Variants in EPHA5 observed in about 807,000 individuals in gnomAD.
The protein encoded by EPHA5 is ephrin type-A receptor 5.
A neutral mutation model predicts 105.0 loss-of-function variants in EPHA5; 60 were observed. The observed-to-expected ratio is 0.57, with a 90% CI of 0.46 to 0.71. EPHA5 has a LOEUF of 0.71. Among genes scored for constraint, EPHA5 ranks in the 30% least tolerant of loss-of-function variants. EPHA5 has a pLI of 0.00. For missense variants in EPHA5, 1,218 were observed against 1,274.7 expected, an observed-to-expected ratio of 0.96 and a Z score of 0.68; for synonymous variants, 513 against 449.1, an observed-to-expected ratio of 1.14 and a Z score of -1.80.
intron 3 of EPHA5, among the ~76,000 whole-genome samples, chr4:65,578,737 G>A (rs1253679797): frequency 6.6e-6 from 1 of 152,064 alleles, no homozygotes. Flanking sequence ...CAACAAATAC[G>A]TGGATGAGAT....
rs543952351 is a variant in EPHA5, at chr4:65,449,778, A to C, written c.1403-29213T>G. ...TCATACAAAAGAGAGATTTGGAAAC[A>C]AATACACAGGTATCACACAGGTACC... On this transcript the variant is annotated intron_variant, in intron 5 of 16. Transcript: ENST00000613740. Among the ~76,000 whole-genome samples the C allele has an allele frequency of 4.6e-5, 7 of 152,262 alleles. No individual in the cohort carries two copies. In the South Asian group the frequency reaches 1.4e-3, roughly 32 times the overall value.
intron 16 of EPHA5, among the ~76,000 whole-genome samples, chr4:65,327,418 C>G (rs1320622715): frequency 6.6e-6 from 1 of 151,206 alleles, no homozygotes; most frequent in Non-Finnish European, 1.5e-5. Context: ...GCCTTTCCAT[C>G]TCATCCTAAA....
At chr4:65,336,890 T>G (rs1041834567) in intron 14 of EPHA5, among the ~76,000 whole-genome samples, 1 of 152,066 alleles carries the variant, frequency 6.6e-6, no homozygotes, top group Non-Finnish European at 1.5e-5. Flanking sequence ...CAGGTTTATT[T>G]TATTATTAAA....
intron 5 of EPHA5, among the ~76,000 whole-genome samples, chr4:65,429,082 G>A (rs900957643): frequency 6.6e-6 from 1 of 151,928 alleles, no homozygotes; most frequent in Non-Finnish European, 1.5e-5. Flanking sequence ...TACACGAAGA[G>A]TCCTAAGTGT....
chr4:65,416,283 A>G (rs947181917), intron 6 of EPHA5, among the ~76,000 whole-genome samples: 19 of 152,096 alleles, frequency 1.2e-4, no homozygotes, highest in Admixed American at 2.0e-4. Flanking sequence ...CCATATTATT[A>G]AGTAGATGAG....
chr4:65,650,642 A>G (rs1280837870), intron 1 of EPHA5, among the ~76,000 whole-genome samples: 1 of 151,504 alleles, frequency 6.6e-6, no homozygotes, highest in East Asian at 1.9e-4. Context: ...CTTTAGCCCC[A>G]CATTGAATCA....
chr4:65,566,176 G>A (rs996961952), intron 3 of EPHA5, among the ~76,000 whole-genome samples: 1 of 151,688 alleles, frequency 6.6e-6, no homozygotes, highest in African/African-American at 2.4e-5. Flanking sequence ...GAAAAACAAT[G>A]GGGTCTCCTC....
chr4:65,403,915 C>A (rs956125233), intron 8 of EPHA5, among the ~76,000 whole-genome samples: 1 of 152,020 alleles, frequency 6.6e-6, no homozygotes, highest in Non-Finnish European at 1.5e-5. Flanking sequence ...AGCTTGTTTG[C>A]CATAATTTCT....
chr4:65,607,543 A>G (rs376294545), intron 2 of EPHA5, among the ~76,000 whole-genome samples: 3 of 152,248 alleles, frequency 2.0e-5, no homozygotes, highest in East Asian at 3.8e-4. Flanking sequence ...ACACTTCTCA[A>G]AAGAAGACAT....
intron 2 of EPHA5, among the ~76,000 whole-genome samples, chr4:65,624,572 A>G (rs1355756986): frequency 6.6e-6 from 1 of 152,198 alleles, no homozygotes; most frequent in East Asian, 1.9e-4. Context: ...AACTATTGAA[A>G]ATCATTCATA....
chr4:65,663,141 A>G (rs1749687564), intron 1 of EPHA5, among the ~76,000 whole-genome samples: 1 of 152,178 alleles, frequency 6.6e-6, no homozygotes, highest in Non-Finnish European at 1.5e-5. Flanking sequence ...TTAATTATGA[A>G]TAGAATCTAC....
At chr4:65,406,041 C>A (rs13118723) in intron 7 of EPHA5, among the ~76,000 whole-genome samples, 3 of 152,058 alleles carry the variant, frequency 2.0e-5, no homozygotes, top group African/African-American at 7.2e-5. Context: ...AAATCATCCC[C>A]GTAATGAGAC....
intron 16 of EPHA5, among the ~76,000 whole-genome samples, chr4:65,328,828 G>T (rs141591895): frequency 6.6e-6 from 1 of 151,120 alleles, no homozygotes; most frequent in African/African-American, 2.4e-5. Flanking sequence ...TGTACTTTAA[G>T]GGTATAATAA....
chr4:65,587,137 A>C (rs1015333347), intron 3 of EPHA5, among the ~76,000 whole-genome samples: 3 of 152,122 alleles, frequency 2.0e-5, no homozygotes, highest in African/African-American at 7.2e-5. Flanking sequence ...CCAGTCAGAA[A>C]CCTTGTACCT....
intron 8 of EPHA5, among the ~76,000 whole-genome samples, chr4:65,378,208 T>G (rs1167146736): frequency 6.6e-6 from 1 of 151,504 alleles, no homozygotes; most frequent in Non-Finnish European, 1.5e-5. Context: ...TGTCTGAGGA[T>G]TTGACTGCTG....
intron 7 of EPHA5, among the ~76,000 whole-genome samples, chr4:65,412,500 T>C (rs1399975271): frequency 1.3e-5 from 2 of 152,138 alleles, no homozygotes; most frequent in Non-Finnish European, 2.9e-5. Flanking sequence ...AATACATTCA[T>C]TCTTTAAAAA....
intron 5 of EPHA5, among the ~76,000 whole-genome samples, chr4:65,480,387 C>CA (rs1446002118): frequency 6.6e-6 from 1 of 152,138 alleles, no homozygotes; most frequent in Non-Finnish European, 1.5e-5. Flanking sequence ...TCAAAAAACT[C>CA]AGTTTCCGTT....
At chr4:65,660,690 C>T (rs539337748) in intron 1 of EPHA5, among the ~76,000 whole-genome samples, 1 of 152,144 alleles carries the variant, frequency 6.6e-6, no homozygotes, top group South Asian at 2.1e-4. Flanking sequence ...CTGTCTAAGA[C>T]CATGGTTGAG....
At chr4:65,566,885 T>A (rs1005447274) in intron 3 of EPHA5, among the ~76,000 whole-genome samples, 3 of 151,730 alleles carry the variant, frequency 2.0e-5, no homozygotes, top group Non-Finnish European at 3.0e-5. Flanking sequence ...TGATAATTTT[T>A]AAAAAATTTT....
Sources: gnomAD v4.1 joint callset for allele counts (sites outside exome capture counted in the v4.1 genomes callset) on GRCh38, gnomAD v4.1.1 for gene constraint, MANE v1.5 for transcripts, NCBI Gene and HGNC (gene_info 2026-07-23, HGNC 2026-07-21) for gene names.